The following CFAP74 variants were observed in gnomAD, a reference collection of about 807,000 sequenced individuals.
CFAP74 encodes the protein cilia- and flagella-associated protein 74.
CFAP74 carries 124 observed loss-of-function variants against 188.9 expected under a neutral mutation model. That is an observed-to-expected ratio of 0.66 (90% confidence interval 0.57 to 0.76). The LOEUF (loss-of-function observed/expected upper bound fraction) is 0.76. Among genes scored for constraint, CFAP74 ranks in the 30% least tolerant of loss-of-function variants. The pLI is 0.00. For synonymous variants in CFAP74, 956 were observed against 916.7 expected (o/e 1.04, Z -0.77); for missense variants, 2,198 against 2,165.2 (o/e 1.02, Z -0.30).
chr1:1,990,369 C>G (rs113005638), intron 2 of CFAP74, among the ~76,000 whole-genome samples: 1 of 99,018 alleles, frequency 1.0e-5, no homozygotes, highest in Non-Finnish European at 2.0e-5. Context: ...ACAAGGGGGG[C>G]GGGAGAGGGA....
intron 21 of CFAP74, among the ~76,000 whole-genome samples, chr1:1,943,890 G>T (rs922461606): frequency 1.3e-5 from 2 of 152,204 alleles, no homozygotes; most frequent in Non-Finnish European, 2.9e-5. Context: ...TCCTTTCACA[G>T]CCTCTAGAAG....
At chr1:1,988,817 C>CTG in intron 3 of CFAP74, 72 bp downstream of exon 3, 1 of 490,508 alleles carries the variant, frequency 2.0e-6, no homozygotes, top group Non-Finnish European at 3.4e-6. Context: ...CCGCTCCCTT[C>CTG]ACCCACCCCC....
intron 1 of CFAP74, among the ~76,000 whole-genome samples, chr1:1,993,174 C>G (rs1383330633): frequency 7.0e-6 from 1 of 143,410 alleles, no homozygotes; most frequent in Non-Finnish European, 1.5e-5. Flanking sequence ...GCATTCTAGC[C>G]TGGGCGACAG....
chr1:1,940,805 C>T (rs543689052), intron 22 of CFAP74, among the ~76,000 whole-genome samples: 9 of 152,258 alleles, frequency 5.9e-5, no homozygotes, highest in Admixed American at 1.3e-4. Flanking sequence ...CATAAGTTAA[C>T]GTTGTTAAAG....
intron 22 of CFAP74, among the ~76,000 whole-genome samples, chr1:1,940,851 G>T (rs372148622): frequency 6.6e-6 from 1 of 152,222 alleles, no homozygotes; most frequent in East Asian, 1.9e-4. Flanking sequence ...GGTGGCTCAC[G>T]CCTGTAATCC....
At chr1:1,987,091 G>A in intron 4 of CFAP74, 56 bp from the exon 5 acceptor site, 1 of 1,476,064 alleles carries the variant, frequency 6.8e-7, no homozygotes, top group South Asian at 1.2e-5. Context: ...AGCCTCCAAA[G>A]TGACAGTGGG....
At chr1:1,961,239 G>C (rs922468295) in intron 14 of CFAP74, among the ~76,000 whole-genome samples, 2 of 152,136 alleles carry the variant, frequency 1.3e-5, no homozygotes, top group African/African-American at 4.8e-5. Context: ...GCGATGCCTG[G>C]GGAGCTGGGG....
Position 1,973,917 on chromosome 1 carries a change from G to A in CFAP74, c.674+108C>T. On this transcript the variant is annotated intron_variant, in intron 7 of 38. Coordinates refer to ENST00000682832, the MANE Select transcript of CFAP74 (RefSeq NM_001304360.2). This position sits in a 1 kb window ranked among gnomAD's most constrained non-coding sequence, Gnocchi z 6.2. The stretch of plus-strand genomic sequence containing the variant: ...GGCAGGGAGGGGTGGAGGTGGATCT[G>A]GACAGATGTGGAGGGCGAGGCTGAA... 1 of 1,109,764 alleles carries A rather than the reference G, an allele frequency of 9.0e-7. No homozygotes were observed. The highest frequency in any genetic ancestry group is 1.8e-5 in the South Asian group (1 of 55,374). The allele number at this position is 1,109,764 out of a possible 1,614,324, so 68.7% of individuals were successfully genotyped here.
rs556469581 is a variant in CFAP74, at chr1:1,993,977, G to A, written c.-19-3002C>T. On this transcript the variant is annotated intron_variant, in intron 1 of 38. Transcript: ENST00000682832. ...AGCCTGGGCGACAGAGCAAGACTCC[G>A]TCTCAAAAAAAATAAAAATAAAATA... 9.3e-4 allele frequency among the ~76,000 whole-genome samples: 140 copies of A among 150,764 alleles called. 1 individual carries two copies. The highest frequency in any genetic ancestry group is 2.6e-3 in the African/African-American group (105 of 41,028).
chr1:1,927,650 C>T lies in CFAP74; in HGVS notation c.3484G>A (p.Val1162Ile), dbSNP rs1652016875. Residue 1162 changes from valine to isoleucine, a missense_variant, in exon 28 of 39, where the codon GTC (valine) becomes ATC (isoleucine). Val to Ile is a conservative substitution (Grantham distance 29, BLOSUM62 3). Transcript: ENST00000682832. ...TTCCGCATCTCCAGGACGTGGGGGA[C>T]AGAGACTTTGAACAGCTTGTCGCGG... ...QNRDKLFKVS[V>I]PHVLEMRKRE... The T allele has an allele frequency of 6.5e-7, 1 of 1,550,204 alleles. No individual in the cohort carries two copies. Among genetic ancestry groups the T allele is most frequent in the Non-Finnish European group, 8.7e-7 (1 of 1,146,862 alleles).
At chr1:1,998,343 A>C (rs934777648) in intron 1 of CFAP74, among the ~76,000 whole-genome samples, 9 of 152,110 alleles carry the variant, frequency 5.9e-5, no homozygotes, top group African/African-American at 2.2e-4. Context: ...GCTAAAAATG[A>C]GTTTCTATCT....
intron 18 of CFAP74, among the ~76,000 whole-genome samples, chr1:1,952,329 G>A (rs1654248069): frequency 6.7e-6 from 1 of 149,422 alleles, no homozygotes; most frequent in Non-Finnish European, 1.5e-5. Context: ...AAAGGAAGAG[G>A]ATAAAAGGCT....
chr1:1,955,139 AACGCG>A, intron 18 of CFAP74: 2 of 1,225,606 alleles, frequency 1.6e-6, no homozygotes, highest in South Asian at 2.6e-5. Context: ...GGGCGTGCGG[AACGCG>A]CACCACGCGA....
At chr1:1,958,115 C>T (rs1275080789) in intron 16 of CFAP74, among the ~76,000 whole-genome samples, 1 of 152,246 alleles carries the variant, frequency 6.6e-6, no homozygotes, top group Non-Finnish European at 1.5e-5. Context: ...CGGCGACACG[C>T]GGTGAAGGAG....
At chr1:1,943,437 G>A (rs1653526880) in intron 21 of CFAP74, among the ~76,000 whole-genome samples, 1 of 152,256 alleles carries the variant, frequency 6.6e-6, no homozygotes, top group Non-Finnish European at 1.5e-5. Context: ...GGTCACCGGG[G>A]AGAGGTGGCT....
intron 6 of CFAP74, among the ~76,000 whole-genome samples, chr1:1,983,114 C>G (rs981349853): frequency 2.6e-5 from 4 of 152,078 alleles, no homozygotes; most frequent in African/African-American, 9.7e-5. Flanking sequence ...ACAGCACCCC[C>G]AGCCTACACG....
chr1:1,971,317 A>G (rs1303440167), intron 9 of CFAP74, among the ~76,000 whole-genome samples: 1 of 148,742 alleles, frequency 6.7e-6, no homozygotes, highest in Non-Finnish European at 1.5e-5. Flanking sequence ...GCACACCTGC[A>G]GACACTTGCA....
At position 1,946,356 on chromosome 1, in the gene CFAP74, G is replaced by C; in HGVS notation, c.2325C>G (p.Ala775=). 2.0e-6 allele frequency: 3 copies of C among 1,536,868 alleles called. No individual in the cohort carries two copies. The highest frequency in any genetic ancestry group is 2.6e-6 in the Non-Finnish European group (3 of 1,146,870). Residue 775 remains alanine, a synonymous_variant, in exon 20 of 39, where the codon GCC becomes GCG. Coordinates refer to ENST00000682832, the MANE Select transcript of CFAP74 (RefSeq NM_001304360.2). ...GGTTCTTAAACGTGACTTTGAACCT[G>C]GCTTGGACGTCGCCTGGGACGACCG... is the stretch of plus-strand genomic sequence containing the variant. The part of the protein sequence containing the change: ...FTPVVPGDVQ[A]RFKVTFKNPQ...
At position 1,968,623 on chromosome 1, in the gene CFAP74, C is replaced by T. The variant is rs1306701744; in HGVS notation, c.1245+12G>A. 8.1e-6 allele frequency: 13 copies of T among 1,610,236 alleles called. No homozygotes were observed. Among genetic ancestry groups the T allele is most frequent in the East Asian group, 2.2e-5 (1 of 44,822 alleles). On this transcript the variant is annotated intron_variant, in intron 11 of 38. Coordinates refer to ENST00000682832, the MANE Select transcript of CFAP74 (RefSeq NM_001304360.2). The surrounding 1 kb of genome is among the most constrained non-coding windows in gnomAD (Gnocchi z 4.3). ...TGTGCGGCTTCTGTCTACAGGAAGG[C>T]GTTTTGCTCACCAGTGTGTACGTGT...
Sources: allele counts gnomAD v4.1 joint callset (sites outside exome capture counted in the v4.1 genomes callset), GRCh38; gene constraint gnomAD v4.1.1; non-coding constraint Gnocchi (gnomAD v3.1); transcripts MANE v1.5; gene names NCBI Gene and HGNC (gene_info 2026-07-23, HGNC 2026-07-21).